The following CCDC7 variants were observed in gnomAD, a reference collection of about 807,000 sequenced individuals.
CCDC7 encodes coiled-coil domain-containing protein 7.
CCDC7 carries 183 observed loss-of-function variants against 196.9 expected under a neutral mutation model. The ratio of observed to expected loss-of-function variants is 0.93; its 90% CI spans 0.82 to 1.05. The LOEUF is 1.05. Among genes scored for constraint, CCDC7 ranks in the 50% least tolerant of loss-of-function variants. CCDC7 has a pLI of 0.00. For missense variants in CCDC7, 1,540 were observed against 1,482.2 expected, an observed-to-expected ratio of 1.04 and a Z score of -0.64; for synonymous variants, 525 against 484.6, an observed-to-expected ratio of 1.08 and a Z score of -1.10.
intron 25 of CCDC7, among the ~76,000 whole-genome samples, chr10:32,725,546 G>A (rs1396476592): frequency 6.6e-6 from 1 of 152,026 alleles, no homozygotes; most frequent in Non-Finnish European, 1.5e-5. Context: ...TTGCTGTGAA[G>A]GAATACCTGA....
At chr10:32,840,983 G>A (rs57961458) in intron 33 of CCDC7, among the ~76,000 whole-genome samples, 21,876 of 151,826 alleles carry the variant, frequency 0.14, 1,923 homozygotes, top group African/African-American at 0.25. Context: ...CGGCAAAATC[G>A]GCATAAAAGG....
intron 13 of CCDC7, among the ~76,000 whole-genome samples, chr10:32,558,727 C>G (rs2054788660): frequency 6.6e-6 from 1 of 152,204 alleles, no homozygotes; most frequent in Non-Finnish European, 1.5e-5. Flanking sequence ...TCTACAGCTC[C>G]CAGCGTGAGT....
chr10:32,707,622 G>A (rs1012239741), intron 24 of CCDC7, among the ~76,000 whole-genome samples: 1 of 152,190 alleles, frequency 6.6e-6, no homozygotes, highest in Non-Finnish European at 1.5e-5. Context: ...CTTCAGCAAA[G>A]TCTCAGGATA....
intron 41 of CCDC7, among the ~76,000 whole-genome samples, chr10:32,857,003 A>C (rs2093779575): frequency 6.6e-6 from 1 of 152,106 alleles, no homozygotes; most frequent in African/African-American, 2.4e-5. Context: ...CACTCTGAGC[A>C]CCTGTTCCCT....
chr10:32,696,466 A>C (rs974645501), intron 24 of CCDC7, among the ~76,000 whole-genome samples: 1 of 150,968 alleles, frequency 6.6e-6, no homozygotes, highest in East Asian at 1.9e-4. Flanking sequence ...TGGCCATGTC[A>C]TAGTCTTGTT....
chr10:32,556,002 A>G (rs904674369), intron 13 of CCDC7, among the ~76,000 whole-genome samples: 1 of 152,148 alleles, frequency 6.6e-6, no homozygotes, highest in Non-Finnish European at 1.5e-5. Context: ...AAGCTGAAAG[A>G]TCTCTGGAGG....
Position 32,691,219 on chromosome 10 carries a change from G to A in CCDC7, c.2344+2056G>A, listed in dbSNP as rs1322039587. The stretch of plus-strand genomic sequence containing the variant: ...ATTGATTTCAATATCACTGGGAGGT[G>A]CAAAGGGAAGAGCACTTTTATTAGT... On this transcript the variant is annotated intron_variant, in intron 23 of 41. Coordinates refer to ENST00000639629, the Ensembl canonical transcript of CCDC7. 2.6e-5 allele frequency among the ~76,000 whole-genome samples: 4 copies of A among 152,188 alleles called. No individual in the cohort carries two copies. The South Asian group carries it at 8.3e-4, about 32-fold the overall frequency.
chr10:32,864,378 CA>C (rs975808661), intron 41 of CCDC7, among the ~76,000 whole-genome samples: 2 of 150,196 alleles, frequency 1.3e-5, no homozygotes, highest in Non-Finnish European at 3.0e-5. Flanking sequence ...ATGCCTTTTT[CA>C]AAAAAAATTG....
At chr10:32,840,867 G>A (rs1199394116) in intron 33 of CCDC7, among the ~76,000 whole-genome samples, 1 of 151,898 alleles carries the variant, frequency 6.6e-6, no homozygotes, top group Non-Finnish European at 1.5e-5. Flanking sequence ...GTCAGTAAAT[G>A]TGATACACCA....
In CCDC7 at chr10:32,685,921, A is replaced by G. The variant is rs766796560; in HGVS notation, c.2123-49A>G. 32 of 1,081,044 alleles carry G rather than the reference A, an allele frequency of 3.0e-5. No individual in the cohort carries two copies. In the Admixed American group the frequency reaches 6.4e-4, roughly 22 times the overall value. 67.0% of individuals were successfully genotyped at this position (1,081,044 alleles called of 1,614,324 possible). A position where few individuals can be genotyped will look rare whatever the true frequency, so the allele number is the denominator to read the frequency against. On this transcript the variant is annotated intron_variant, in intron 21 of 41. Transcript: ENST00000639629. ...AAATTTGAAACACAGAAATTTCACA[A>G]AAGATCCATTTTTCTATTTAGTGGA... is the stretch of plus-strand genomic sequence containing the variant.
intron 20 of CCDC7, among the ~76,000 whole-genome samples, chr10:32,636,892 T>C (rs921070503): frequency 4.0e-4 from 61 of 152,238 alleles, no homozygotes; most frequent in African/African-American, 1.4e-3. Context: ...CAGCACCTGT[T>C]GTTTCCTGAC....
intron 33 of CCDC7, among the ~76,000 whole-genome samples, chr10:32,838,535 A>T (rs1439441846): frequency 1.3e-5 from 2 of 152,066 alleles, no homozygotes; most frequent in African/African-American, 4.8e-5. Context: ...GAAGAAGAGA[A>T]ATCTAAAAGT....
intron 13 of CCDC7, among the ~76,000 whole-genome samples, chr10:32,555,416 T>C (rs2054195815): frequency 6.6e-6 from 1 of 152,092 alleles, no homozygotes; most frequent in South Asian, 2.1e-4. Flanking sequence ...CAGCTAATTT[T>C]TGTATTTTTA....
At chr10:32,794,876 A>G (rs1318262966) in intron 29 of CCDC7, among the ~76,000 whole-genome samples, 1 of 152,286 alleles carries the variant, frequency 6.6e-6, no homozygotes, top group Middle Eastern at 3.4e-3. Context: ...CCAGTTCCAT[A>G]GGAAAGTCAG....
chr10:32,756,016 G>A (rs2076383581), intron 28 of CCDC7, among the ~76,000 whole-genome samples: 1 of 152,132 alleles, frequency 6.6e-6, no homozygotes, highest in Non-Finnish European at 1.5e-5. Context: ...AGTGATCGAA[G>A]ATCAAATGAA....
At chr10:32,776,462 C>T (rs1037784184) in intron 28 of CCDC7, among the ~76,000 whole-genome samples, 1 of 151,970 alleles carries the variant, frequency 6.6e-6, no homozygotes, top group Non-Finnish European at 1.5e-5. Flanking sequence ...ATATAACATA[C>T]TCAGTCTCAG....
intron 32 of CCDC7, among the ~76,000 whole-genome samples, chr10:32,833,878 A>G (rs948263247): frequency 3.3e-5 from 5 of 152,048 alleles, no homozygotes; most frequent in African/African-American, 1.2e-4. Flanking sequence ...CTTCTACTCT[A>G]TGATGTCTGG....
chr10:32,554,677 A>G (rs2054065533), intron 13 of CCDC7, among the ~76,000 whole-genome samples: 1 of 152,214 alleles, frequency 6.6e-6, no homozygotes, highest in Admixed American at 6.5e-5. Flanking sequence ...GGTGTCTCCC[A>G]GGTCCTGCAG....
intron 16 of CCDC7, among the ~76,000 whole-genome samples, chr10:32,573,006 G>A (rs2057761300): frequency 6.6e-6 from 1 of 151,600 alleles, no homozygotes; most frequent in Admixed American, 6.6e-5. Flanking sequence ...GCCTCCCCAG[G>A]AGCTGGGATT....
Sources: allele counts gnomAD v4.1 joint callset (sites outside exome capture counted in the v4.1 genomes callset), GRCh38; gene constraint gnomAD v4.1.1; transcripts MANE v1.5; gene names NCBI Gene and HGNC (gene_info 2026-07-23, HGNC 2026-07-21).